LGMN: variants seen among roughly 807,000 people sequenced by gnomAD.
The protein encoded by LGMN is legumain, also known as asparaginyl endopeptidase.
In LGMN, 36 loss-of-function variants were observed where a neutral mutation model predicts 56.8. The observed-to-expected ratio is 0.63, with a 90% CI of 0.49 to 0.84. The LOEUF is 0.84. Ranked by LOEUF, LGMN falls within the 40% of genes least tolerant of loss-of-function variation. The pLI is 0.00. For synonymous variants in LGMN, 199 were observed against 210.1 expected (o/e 0.95, Z 0.46); for missense variants, 446 against 556.1 (o/e 0.80, Z 1.99).
At chr14:92,705,863 G>A (rs1889403017) in intron 12 of LGMN, among the ~76,000 whole-genome samples, 4 of 152,122 alleles carry the variant, frequency 2.6e-5, no homozygotes, top group Non-Finnish European at 5.9e-5. Context: ...CCTGACTTCA[G>A]GTGAGCCACC....
intron 1 of LGMN, among the ~76,000 whole-genome samples, chr14:92,747,400 G>A (rs1486279068): frequency 6.6e-6 from 1 of 152,088 alleles, no homozygotes; most frequent in African/African-American, 2.4e-5. Flanking sequence ...TGAGACAGAA[G>A]AATCACTTGA....
intron 3 of LGMN, among the ~76,000 whole-genome samples, 169 bp downstream of exon 3, chr14:92,718,578 A>G (rs1890188630): frequency 6.6e-6 from 1 of 151,316 alleles, no homozygotes; most frequent in South Asian, 2.1e-4. Flanking sequence ...TCTCAAATAA[A>G]TAATAATAAA....
Position 92,704,247 on chromosome 14 carries a change from C to T in LGMN, c.*72G>A, listed in dbSNP as rs753583973. On this transcript the variant is annotated 3_prime_UTR_variant, in exon 14 of 14. Coordinates refer to ENST00000334869, the MANE Select transcript of LGMN (RefSeq NM_005606.7). ...CGAGCAGCGGAGACTTCTCACTCCA[C>T]CTCTCCAGTCTCTGATCAGCACACA... The T allele has an allele frequency of 1.7e-5, 28 of 1,605,314 alleles. No homozygotes were observed. The South Asian group carries it at 2.9e-4, about 16-fold the overall frequency.
chr14:92,706,226 A>T lies in LGMN; in HGVS notation c.1191+257T>A, dbSNP rs187246809. 50 of 380,700 alleles carry T rather than the reference A, an allele frequency of 1.3e-4. No homozygotes were observed. The East Asian group carries it at 1.9e-3, about 15-fold the overall frequency. 23.6% of individuals were successfully genotyped at this position (380,700 alleles called of 1,614,324 possible). A position where few individuals can be genotyped will look rare whatever the true frequency, so the allele number is the denominator to read the frequency against. On this transcript the variant is annotated intron_variant, in intron 12 of 13. Transcript: ENST00000334869. Reference sequence around the variant, plus strand: ...GACAGCAGAAGTGTGAACACAAGTAACTGTTCTTCAAACTAGAAGTGAGAG... The same window carrying T: ...GACAGCAGAAGTGTGAACACAAGTATCTGTTCTTCAAACTAGAAGTGAGAG...
At chr14:92,716,414 C>T (rs929024550) in intron 4 of LGMN, among the ~76,000 whole-genome samples, 193 bp from the exon 5 acceptor site, 4 of 152,220 alleles carry the variant, frequency 2.6e-5, no homozygotes, top group Non-Finnish European at 4.4e-5. Context: ...GGGCGGAACA[C>T]TTGAGGTCAG....
intron 2 of LGMN, among the ~76,000 whole-genome samples, chr14:92,727,295 T>C (rs1890787355): frequency 6.6e-6 from 1 of 151,856 alleles, no homozygotes; most frequent in Non-Finnish European, 1.5e-5. Flanking sequence ...CCAGGCGTGG[T>C]GGCAGGCGCC....
intron 1 of LGMN, among the ~76,000 whole-genome samples, chr14:92,737,843 C>T (rs1891373057): frequency 1.3e-5 from 2 of 152,090 alleles, no homozygotes; most frequent in African/African-American, 2.4e-5. Flanking sequence ...TTTGTTTGGC[C>T]CATAGGTCAT....
In LGMN at chr14:92,732,798, G is replaced by GA. The variant is rs772952182; in HGVS notation, c.-13dup. ...ACTTTCCAAACCATTCTGCACCTTG[G>GA]AGTTCAATTGCAGACACCTGAGAAG... On this transcript the variant is annotated 5_prime_UTR_variant, in exon 2 of 14. Coordinates refer to ENST00000334869, the MANE Select transcript of LGMN (RefSeq NM_005606.7). The GA allele has an allele frequency of 4.3e-6, 7 of 1,611,362 alleles. No individual in the cohort carries two copies. Among genetic ancestry groups the GA allele is most frequent in the Admixed American group, 1.7e-5 (1 of 59,246 alleles).
Position 92,708,856 on chromosome 14 carries a change from C to CAA in LGMN, c.1020+814_1020+815dup, listed in dbSNP as rs58813848. Among the ~76,000 whole-genome samples the CAA allele has an allele frequency of 1.9e-3, 136 of 71,526 alleles. 4 individuals are homozygous for CAA. The highest frequency in any genetic ancestry group is 3.8e-3 in the African/African-American group (73 of 19,456). 46.9% of individuals were successfully genotyped at this position (71,526 alleles called of 152,430 possible). On this transcript the variant is annotated intron_variant, in intron 11 of 13. Coordinates refer to ENST00000334869, the MANE Select transcript of LGMN (RefSeq NM_005606.7). ...TGGCGACAGAGCAAGACTCTTGTCTCAAAAAAAAAAAAAAAAAAAAAAAAA... is the reference window on the plus strand; with the variant it reads ...TGGCGACAGAGCAAGACTCTTGTCTCAAAAAAAAAAAAAAAAAAAAAAAAAAA...
At chr14:92,743,411 G>A (rs563086720) in intron 1 of LGMN, among the ~76,000 whole-genome samples, 3 of 152,166 alleles carry the variant, frequency 2.0e-5, no homozygotes, top group African/African-American at 4.8e-5. Context: ...GCTGAGGCAG[G>A]AGAATGGCGT....
intron 8 of LGMN, 91 bp from the exon 9 acceptor site, chr14:92,712,046 A>T: frequency 2.0e-6 from 2 of 981,242 alleles, no homozygotes; most frequent in South Asian, 2.8e-5. Flanking sequence ...CCCCCGGTGA[A>T]ATCGAAGCAT....
At chr14:92,715,882 T>G in intron 5 of LGMN, 16 of 245,250 alleles carry the variant, frequency 6.5e-5, no homozygotes, top group Non-Finnish European at 1.1e-4. Flanking sequence ...GAACGAGGAG[T>G]TTAAGTGATA....
chr14:92,718,790 G>A lies in LGMN; in HGVS notation c.193C>T (p.Gln65Ter). ...IIHRNGIPDE[Q>*]IVVMMYDDIA... ...TCATCGTACATCATCACAACGATCT[G>A]TTCGTCAGGAATCCCATTGCGGTGA... Residue 65 changes from glutamine to a stop codon, truncating the protein, a stop_gained, in exon 3 of 14, where the codon CAG becomes TAG. Transcript: ENST00000334869. LOFTEE classifies it high-confidence loss of function. 6.2e-7 allele frequency: 1 copy of A among 1,613,246 alleles called. No individual in the cohort carries two copies. The highest frequency in any genetic ancestry group is 1.7e-4 in the Middle Eastern group (1 of 6,060).
At chr14:92,713,706 C>A in intron 7 of LGMN, 117 bp downstream of exon 7, 1 of 759,096 alleles carries the variant, frequency 1.3e-6, no homozygotes. Context: ...GGAAGGATCC[C>A]CTTTCTAGAA....
chr14:92,727,453 G>A (rs1394213906), intron 2 of LGMN, among the ~76,000 whole-genome samples: 112 of 125,526 alleles, frequency 8.9e-4, no homozygotes, highest in Non-Finnish European at 1.4e-3. Flanking sequence ...AAAAAAAAAA[G>A]GACCTGGGTT....
At chr14:92,719,278 ACCG>A (rs1225678781) in intron 2 of LGMN, among the ~76,000 whole-genome samples, 57 of 55,204 alleles carry the variant, frequency 1.0e-3, no homozygotes, top group South Asian at 2.8e-3. Flanking sequence ...CGCCGCCGCC[ACCG>A]CCGCCGCCGC....
chr14:92,706,175 T>C (rs1595523261), intron 12 of LGMN, among the ~76,000 whole-genome samples: 1 of 151,876 alleles, frequency 6.6e-6, no homozygotes, highest in South Asian at 2.1e-4. Context: ...GTGTGAGGGG[T>C]AGAGACGAGG....
At chr14:92,706,410 C>T (rs1256635595) in intron 12 of LGMN, 73 bp downstream of exon 12, 2 of 1,294,166 alleles carry the variant, frequency 1.5e-6, no homozygotes, top group Non-Finnish European at 2.1e-6. Context: ...GGTCGTACAA[C>T]CAATGTGACT....
chr14:92,734,184 T>C (rs1349183787), intron 1 of LGMN, among the ~76,000 whole-genome samples: 1 of 150,540 alleles, frequency 6.6e-6, no homozygotes, highest in Non-Finnish European at 1.5e-5. Flanking sequence ...ATCCTTGTTT[T>C]ACAGAAAGGA....
Sources: gnomAD v4.1 joint callset for allele counts (sites outside exome capture counted in the v4.1 genomes callset) on GRCh38, gnomAD v4.1.1 for gene constraint, MANE v1.5 for transcripts, NCBI Gene and HGNC (gene_info 2026-07-23, HGNC 2026-07-21) for gene names.